Variants in DGUOK observed in about 807,000 individuals in gnomAD.
DGUOK encodes deoxyguanosine kinase.
DGUOK carries 30 observed loss-of-function variants against 36.6 expected under a neutral mutation model. The ratio of observed to expected loss-of-function variants is 0.82; its 90% CI spans 0.61 to 1.11. DGUOK has a LOEUF of 1.11. Ranked by LOEUF, DGUOK falls within the 50% of genes most tolerant of loss-of-function variation. The probability of loss-of-function intolerance (pLI) is 0.00; values close to 1 mark genes in which losing one functional copy is unlikely to be tolerated. For synonymous variants in DGUOK, 145 were observed against 126.3 expected (o/e 1.15, Z -0.99); for missense variants, 361 against 336.4 (o/e 1.07, Z -0.57).
At chr2:73,929,380 G>C (rs541154260) in intron 1 of DGUOK, among the ~76,000 whole-genome samples, 1 of 152,190 alleles carries the variant, frequency 6.6e-6, no homozygotes, top group South Asian at 2.1e-4. Flanking sequence ...AAAGTGCTGG[G>C]ATTACAGAAG....
At chr2:73,945,105 T>A (rs1408762434) in intron 2 of DGUOK, among the ~76,000 whole-genome samples, 1 of 152,246 alleles carries the variant, frequency 6.6e-6, no homozygotes, top group Non-Finnish European at 1.5e-5. Context: ...TTTGCCAAAT[T>A]GGACTTCTTA....
In DGUOK at chr2:73,946,035, G is replaced by T. The variant is rs539397267; in HGVS notation, c.256-684G>T. Reference sequence around the variant, plus strand: ...GTGCCACTGCACTCCAGCCTGGGTGGCAGAGTGAGACTCTGTCTCAAAAAA... The same window carrying T: ...GTGCCACTGCACTCCAGCCTGGGTGTCAGAGTGAGACTCTGTCTCAAAAAA... On this transcript the variant is annotated intron_variant, in intron 2 of 6. Coordinates refer to ENST00000264093, the MANE Select transcript of DGUOK (RefSeq NM_080916.3). Among the ~76,000 whole-genome samples, 597 of 143,370 alleles carry T rather than the reference G, an allele frequency of 4.2e-3. 5 individuals carry two copies. The highest frequency in any genetic ancestry group is 5.3e-3 in the Non-Finnish European group (352 of 66,358). 94.1% of individuals were successfully genotyped at this position (143,370 alleles called of 152,430 possible). A position where few individuals can be genotyped will look rare whatever the true frequency, so the allele number is the denominator to read the frequency against.
intron 1 of DGUOK, among the ~76,000 whole-genome samples, chr2:73,937,214 C>G (rs558799775): frequency 3.3e-4 from 50 of 152,334 alleles, no homozygotes; most frequent in Middle Eastern, 6.8e-3. Context: ...TCCCATTGCA[C>G]TTAGAATAGA....
At chr2:73,957,729 A>G (rs916165732) in intron 5 of DGUOK, among the ~76,000 whole-genome samples, 3 of 152,112 alleles carry the variant, frequency 2.0e-5, no homozygotes, top group Non-Finnish European at 2.9e-5. Context: ...ATTAGATTGT[A>G]TTTCTCCAGC....
intron 2 of DGUOK, among the ~76,000 whole-genome samples, chr2:73,945,898 C>T (rs960887298): frequency 6.6e-6 from 1 of 152,086 alleles, no homozygotes; most frequent in African/African-American, 2.4e-5. Context: ...TGGCGGGTGC[C>T]TGTGATCCCA....
chr2:73,948,038 C>T (rs1487621036), intron 3 of DGUOK: 3 of 152,070 alleles, frequency 2.0e-5, no homozygotes, highest in African/African-American at 4.8e-5. Context: ...ATAGGCTATC[C>T]GTTCCTTGTG....
At chr2:73,934,584 C>T (rs183905428) in intron 1 of DGUOK, among the ~76,000 whole-genome samples, 1 of 152,010 alleles carries the variant, frequency 6.6e-6, no homozygotes, top group Non-Finnish European at 1.5e-5. Flanking sequence ...GAAACCCTGT[C>T]TCTACTAAAA....
intron 2 of DGUOK, among the ~76,000 whole-genome samples, chr2:73,943,348 G>C (rs530462318): frequency 6.1e-5 from 9 of 147,666 alleles, no homozygotes; most frequent in Non-Finnish European, 1.3e-4. Context: ...TTTTTGTAGA[G>C]ATAGGGTCTC....
chr2:73,939,803 G>C (rs947129426), intron 2 of DGUOK, among the ~76,000 whole-genome samples: 1 of 152,096 alleles, frequency 6.6e-6, no homozygotes, highest in Non-Finnish European at 1.5e-5. Flanking sequence ...TGACTCATTG[G>C]TTCAAGTTCT....
chr2:73,956,169 A>T (rs971726708), intron 4 of DGUOK, among the ~76,000 whole-genome samples: 1 of 152,208 alleles, frequency 6.6e-6, no homozygotes, highest in African/African-American at 2.4e-5. Flanking sequence ...AGTGTGCATC[A>T]AACTTCACTA....
intron 1 of DGUOK, among the ~76,000 whole-genome samples, chr2:73,935,740 T>C (rs1681411434): frequency 1.3e-5 from 2 of 152,236 alleles, no homozygotes; most frequent in Admixed American, 1.3e-4. Context: ...CATTGTATGC[T>C]GAAGCTGCCT....
intron 3 of DGUOK, chr2:73,947,873 GTTA>G (rs1682447147): frequency 6.6e-6 from 1 of 152,078 alleles, no homozygotes; most frequent in African/African-American, 2.4e-5. Context: ...CACTCAGTTG[GTTA>G]CTCTTTTAAT....
chr2:73,930,628 T>G (rs1680931729), intron 1 of DGUOK, among the ~76,000 whole-genome samples: 1 of 152,170 alleles, frequency 6.6e-6, no homozygotes, highest in Non-Finnish European at 1.5e-5. Context: ...TTTCTCTGCT[T>G]CTTCCTTGCT....
rs1682385673 is a variant in DGUOK, at chr2:73,946,978, T to C, written c.443+72T>C. 3.1e-6 allele frequency: 4 copies of C among 1,281,702 alleles called. No individual in the cohort carries two copies. In the South Asian group the frequency reaches 5.0e-5, roughly 16 times the overall value. 79.4% of individuals were successfully genotyped at this position (1,281,702 alleles called of 1,614,324 possible). On this transcript the variant is annotated intron_variant, in intron 3 of 6. Transcript: ENST00000264093. ...TGCCTGTTTGATCTTGCACAGATCC[T>C]GCACTGCTATGGTCACTGATGATTA... is the stretch of plus-strand genomic sequence containing the variant.
chr2:73,944,622 T>C (rs117281947), intron 2 of DGUOK, among the ~76,000 whole-genome samples: 2 of 152,218 alleles, frequency 1.3e-5, no homozygotes, highest in Non-Finnish European at 2.9e-5. Flanking sequence ...TTCATCTGTT[T>C]GCTTATATTT....
chr2:73,953,033 G>A (rs561379202), intron 4 of DGUOK, among the ~76,000 whole-genome samples: 8 of 152,072 alleles, frequency 5.3e-5, no homozygotes, highest in Non-Finnish European at 1.2e-4. Flanking sequence ...GGCAAGATAG[G>A]AGGAGCAGCC....
chr2:73,946,251 A>AT (rs1439539767), intron 2 of DGUOK, among the ~76,000 whole-genome samples: 2 of 152,216 alleles, frequency 1.3e-5, no homozygotes, highest in African/African-American at 2.4e-5. Context: ...GGATTTTCAA[A>AT]TAAGCAGTTG....
At chr2:73,930,119 G>A (rs563317188) in intron 1 of DGUOK, among the ~76,000 whole-genome samples, 4 of 152,284 alleles carry the variant, frequency 2.6e-5, no homozygotes, top group South Asian at 2.1e-4. Context: ...AGTAACAGGC[G>A]TGATGGCAAA....
At chr2:73,955,390 G>A (rs1053352361) in intron 4 of DGUOK, among the ~76,000 whole-genome samples, 1 of 152,154 alleles carries the variant, frequency 6.6e-6, no homozygotes, top group Non-Finnish European at 1.5e-5. Flanking sequence ...TAACCTCTAA[G>A]GAGGCAGTCT....
Sources: allele counts gnomAD v4.1 joint callset (sites outside exome capture counted in the v4.1 genomes callset), GRCh38; gene constraint gnomAD v4.1.1; transcripts MANE v1.5; gene names NCBI Gene and HGNC (gene_info 2026-07-23, HGNC 2026-07-21).